Variants in GHR observed in about 807,000 individuals in gnomAD.
The protein encoded by GHR is growth hormone receptor, also known as GH receptor.
In GHR, 35 loss-of-function variants were observed where a neutral mutation model predicts 67.1. The observed-to-expected ratio is 0.52, with a 90% CI of 0.40 to 0.69. GHR has a LOEUF of 0.69. GHR is among the 30% of genes least tolerant of loss of function. The probability of loss-of-function intolerance (pLI) is 0.00; values close to 1 mark genes in which losing one functional copy is unlikely to be tolerated. For synonymous variants in GHR, 272 were observed against 269.1 expected, an observed-to-expected ratio of 1.01 and a Z score of -0.10; for missense variants, 792 against 764.6, an observed-to-expected ratio of 1.04 and a Z score of -0.42.
intron 1 of GHR, among the ~76,000 whole-genome samples, chr5:42,460,694 C>T (rs915364032): frequency 6.6e-6 from 1 of 151,352 alleles, no homozygotes; most frequent in East Asian, 1.9e-4. Context: ...TCCATCAACC[C>T]AAAAGCAAAA....
At chr5:42,640,924 G>T (rs1754439362) in intron 3 of GHR, among the ~76,000 whole-genome samples, 1 of 152,088 alleles carries the variant, frequency 6.6e-6, no homozygotes, top group Non-Finnish European at 1.5e-5. Flanking sequence ...TTTACAACTG[G>T]AGCAGCAGGT....
intron 1 of GHR, among the ~76,000 whole-genome samples, chr5:42,485,285 C>A (rs1295660665): frequency 6.6e-6 from 1 of 152,224 alleles, no homozygotes; most frequent in Non-Finnish European, 1.5e-5. Flanking sequence ...TCTCACCCTT[C>A]CTGGTCTAGC....
chr5:42,528,203 A>G (rs1216411549), intron 1 of GHR, among the ~76,000 whole-genome samples: 1 of 152,154 alleles, frequency 6.6e-6, no homozygotes. Context: ...TATAGTTGCC[A>G]TAGATAGTCA....
At chr5:42,529,985 G>A (rs780716532) in intron 1 of GHR, among the ~76,000 whole-genome samples, 108 of 136,778 alleles carry the variant, frequency 7.9e-4, no homozygotes, top group Middle Eastern at 4.5e-3. Flanking sequence ...GAGTAAATCA[G>A]AAGTGAATCA....
At chr5:42,714,556 GT>G (rs1410678276) in intron 8 of GHR, among the ~76,000 whole-genome samples, 1 of 152,156 alleles carries the variant, frequency 6.6e-6, no homozygotes, top group African/African-American at 2.4e-5. Context: ...TTTCTATAGT[GT>G]CAAGCATGCT....
At chr5:42,585,358 T>C (rs564718558) in intron 2 of GHR, among the ~76,000 whole-genome samples, 1 of 152,212 alleles carries the variant, frequency 6.6e-6, no homozygotes, top group Non-Finnish European at 1.5e-5. Context: ...GATTAAGCCT[T>C]TTATAAAACA....
At chr5:42,658,604 A>T (rs553724926) in intron 3 of GHR, among the ~76,000 whole-genome samples, 25 of 152,326 alleles carry the variant, frequency 1.6e-4, no homozygotes, top group African/African-American at 6.0e-4. Context: ...TATAAAGTGA[A>T]TTATAATTCT....
chr5:42,548,152 G>C (rs1748824042), intron 1 of GHR: 2 of 984,714 alleles, frequency 2.0e-6, no homozygotes, highest in Non-Finnish European at 2.4e-6. Context: ...CTGGGCAAAG[G>C]TCAGGGGATT....
chr5:42,605,803 A>G (rs1752604737), intron 2 of GHR, among the ~76,000 whole-genome samples: 1 of 152,188 alleles, frequency 6.6e-6, no homozygotes, highest in Non-Finnish European at 1.5e-5. Context: ...ATGCCTGTTC[A>G]GACTCCCGGA....
At chr5:42,657,998 T>A (rs1203981845) in intron 3 of GHR, among the ~76,000 whole-genome samples, 1 of 152,216 alleles carries the variant, frequency 6.6e-6, no homozygotes, top group East Asian at 1.9e-4. Context: ...TTGTCTTTAG[T>A]TTCTCATTTT....
intron 2 of GHR, among the ~76,000 whole-genome samples, chr5:42,575,766 TGGC>T (rs748477787): frequency 3.5e-4 from 52 of 149,396 alleles, no homozygotes; most frequent in Non-Finnish European, 6.9e-4. Context: ...CTGGGCGCGA[TGGC>T]TCATGCCTGT....
chr5:42,638,002 C>A (rs546800897), intron 3 of GHR, among the ~76,000 whole-genome samples: 1 of 152,080 alleles, frequency 6.6e-6, no homozygotes, highest in Admixed American at 6.5e-5. Context: ...TGCAGTGGTG[C>A]GATTTCGGCT....
At chr5:42,669,419 G>T (rs190309745) in intron 3 of GHR, among the ~76,000 whole-genome samples, 87 of 152,270 alleles carry the variant, frequency 5.7e-4, no homozygotes, top group African/African-American at 2.1e-3. Context: ...TTGTCAGTTG[G>T]TTTCTTCTGG....
At chr5:42,527,777 C>G (rs1747773803) in intron 1 of GHR, among the ~76,000 whole-genome samples, 1 of 152,188 alleles carries the variant, frequency 6.6e-6, no homozygotes, top group African/African-American at 2.4e-5. Flanking sequence ...CCACGTGGCA[C>G]ATACTCTAAG....
At chr5:42,707,894 C>G (rs1002872501) in intron 6 of GHR, among the ~76,000 whole-genome samples, 7 of 151,990 alleles carry the variant, frequency 4.6e-5, no homozygotes, top group Non-Finnish European at 7.4e-5. Context: ...ATAATTTTGT[C>G]TTTTAACCTT....
chr5:42,535,752 T>C lies in GHR; in HGVS notation c.-11-30112T>C, dbSNP rs573111042. Among the ~76,000 whole-genome samples, 118 of 152,320 alleles carry C rather than the reference T, an allele frequency of 7.7e-4. 1 individual carries two copies. Among genetic ancestry groups the C allele is most frequent in the Non-Finnish European group, 1.2e-3 (82 of 68,008 alleles). ...AATTTGTAGGTTGCTTTTGGCAGTG[T>C]GATCGTTTTCACAATATTGATTCTA... On this transcript the variant is annotated intron_variant, in intron 1 of 9. Transcript: ENST00000230882.
At chr5:42,525,664 A>G (rs567605577) in intron 1 of GHR, among the ~76,000 whole-genome samples, 2 of 152,238 alleles carry the variant, frequency 1.3e-5, no homozygotes, top group South Asian at 4.1e-4. Context: ...CTGTGTCCCC[A>G]CCCAAATCTC....
chr5:42,468,254 C>T (rs957957413), intron 1 of GHR: 8 of 1,555,118 alleles, frequency 5.1e-6, no homozygotes, highest in Non-Finnish European at 7.1e-6. Flanking sequence ...TCTTCTTCCT[C>T]CTCCTCCTTT....
At chr5:42,447,725 CTCTCTCTT>C (rs1743871564) in intron 1 of GHR, among the ~76,000 whole-genome samples, 1 of 136,790 alleles carries the variant, frequency 7.3e-6, no homozygotes, top group African/African-American at 2.8e-5. Flanking sequence ...CCCTCCCTCT[CTCTCTCTT>C]TCTTTCTTTC....
Sources: gnomAD v4.1 joint callset for allele counts (sites outside exome capture counted in the v4.1 genomes callset) on GRCh38, gnomAD v4.1.1 for gene constraint, MANE v1.5 for transcripts, NCBI Gene and HGNC (gene_info 2026-07-23, HGNC 2026-07-21) for gene names.